CCDC3: variants seen among roughly 807,000 people sequenced by gnomAD.
CCDC3 encodes the protein coiled-coil domain-containing protein 3.
In CCDC3, 24 loss-of-function variants were observed where a neutral mutation model predicts 21.4. The observed-to-expected ratio is 1.12, with a 90% CI of 0.81 to 1.58. The LOEUF (loss-of-function observed/expected upper bound fraction) is 1.58. Among genes scored for constraint, CCDC3 ranks in the 40% most tolerant of loss-of-function variants. The probability of loss-of-function intolerance (pLI) is 0.00; values close to 1 mark genes in which losing one functional copy is unlikely to be tolerated. For synonymous variants in CCDC3, 186 were observed against 166.0 expected (o/e 1.12, Z -0.93); for missense variants, 425 against 360.9 (o/e 1.18, Z -1.44).
chr10:12,953,855 T>A (rs1835044872), intron 2 of CCDC3, among the ~76,000 whole-genome samples: 1 of 152,186 alleles, frequency 6.6e-6, no homozygotes, highest in Non-Finnish European at 1.5e-5. Flanking sequence ...ACTGGCAAAC[T>A]TTTTCAGTAA....
At chr10:13,038,557 A>G (rs926185474) in intron 5 of CCDC3, among the ~76,000 whole-genome samples, 6 of 152,152 alleles carry the variant, frequency 3.9e-5, no homozygotes, top group African/African-American at 1.4e-4. Flanking sequence ...AATATATAGG[A>G]CTTGCTGAGG....
At chr10:13,093,295 T>G (rs1390195815) in intron 3 of CCDC3, among the ~76,000 whole-genome samples, 2 of 152,054 alleles carry the variant, frequency 1.3e-5, no homozygotes, top group Admixed American at 1.3e-4. Context: ...TGAAAGGGGT[T>G]TCCCCTTATA....
In CCDC3 at chr10:12,898,499, T is replaced by A; in HGVS notation, c.730A>T (p.Lys244Ter). Residue 244 changes from lysine (K) to a stop codon, truncating the protein, a stop_gained, in exon 3 of 3, where the codon AAA becomes TAA. Transcript: ENST00000378825. LOFTEE classifies it low-confidence loss of function (END_TRUNC). ...KGRHLELANQ[K>*]LSEKLAAGAL... ...CCCGCCGCCAGCTTCTCACTGAGTTTCTGGTTCGCCAGCTCCAGGTGGCGG... is the reference window on the plus strand; with the variant it reads ...CCCGCCGCCAGCTTCTCACTGAGTTACTGGTTCGCCAGCTCCAGGTGGCGG... 4 of 1,614,100 alleles carry A rather than the reference T, an allele frequency of 2.5e-6. No individual in the cohort carries two copies. The highest frequency in any genetic ancestry group is 3.4e-6 in the Non-Finnish European group (4 of 1,179,964).
At chr10:13,097,972 A>G (rs1832650634) in intron 3 of CCDC3, among the ~76,000 whole-genome samples, 1 of 152,234 alleles carries the variant, frequency 6.6e-6, no homozygotes, top group African/African-American at 2.4e-5. Context: ...TTTGGTCCTT[A>G]GAACTTTCTG....
intron 5 of CCDC3, among the ~76,000 whole-genome samples, chr10:13,044,038 A>T (rs1429287672): frequency 6.6e-6 from 1 of 152,134 alleles, no homozygotes; most frequent in African/African-American, 2.4e-5. Flanking sequence ...TGACTTTTTA[A>T]TAATAGCCAT....
chr10:12,948,213 G>A (rs564491249), intron 2 of CCDC3, among the ~76,000 whole-genome samples: 14 of 152,256 alleles, frequency 9.2e-5, no homozygotes, highest in African/African-American at 1.2e-4. Context: ...CACATAAGAT[G>A]TGCCTTTGCT....
chr10:12,959,902 C>T (rs957284303), intron 2 of CCDC3, among the ~76,000 whole-genome samples: 1 of 152,142 alleles, frequency 6.6e-6, no homozygotes, highest in Non-Finnish European at 1.5e-5. Flanking sequence ...ACCTGTAATC[C>T]CAGCACCTTG....
intron 2 of CCDC3, among the ~76,000 whole-genome samples, chr10:12,939,933 T>C (rs1834794874): frequency 6.6e-6 from 1 of 152,216 alleles, no homozygotes. Flanking sequence ...TTCAAGATTG[T>C]TAGCTATGGG....
chr10:12,953,812 G>T (rs1443620851), intron 2 of CCDC3, among the ~76,000 whole-genome samples: 1 of 152,122 alleles, frequency 6.6e-6, no homozygotes, highest in Non-Finnish European at 1.5e-5. Context: ...ATAAGTCTTT[G>T]GAAGCTAGAC....
chr10:13,069,712 G>A (rs1222802430), intron 4 of CCDC3, among the ~76,000 whole-genome samples: 1 of 152,168 alleles, frequency 6.6e-6, no homozygotes, highest in Non-Finnish European at 1.5e-5. Flanking sequence ...TTAGATTTTA[G>A]AGAATTATAT....
chr10:12,996,501 A>G (rs1245314165), intron 2 of CCDC3, among the ~76,000 whole-genome samples: 3 of 152,030 alleles, frequency 2.0e-5, no homozygotes, highest in Admixed American at 6.6e-5. Context: ...CTGCCCAGCT[A>G]ATTTTTGTAT....
At chr10:12,947,985 C>G (rs1834943215) in intron 2 of CCDC3, among the ~76,000 whole-genome samples, 1 of 152,192 alleles carries the variant, frequency 6.6e-6, no homozygotes, top group South Asian at 2.1e-4. Context: ...TGAACACATG[C>G]AGCCTGACTC....
chr10:12,990,849 A>G (rs918743619), intron 2 of CCDC3, among the ~76,000 whole-genome samples: 2 of 152,254 alleles, frequency 1.3e-5, no homozygotes, highest in African/African-American at 2.4e-5. Flanking sequence ...AAGATAGGCC[A>G]ATGTATTTTC....
intron 5 of CCDC3, among the ~76,000 whole-genome samples, chr10:13,007,210 G>C (rs1479525282): frequency 6.6e-6 from 1 of 152,104 alleles, no homozygotes; most frequent in Admixed American, 6.5e-5. Context: ...TCATCTTGTG[G>C]AATGTAGTTG....
chr10:12,959,072 G>A (rs1242730037), intron 2 of CCDC3, among the ~76,000 whole-genome samples: 1 of 152,134 alleles, frequency 6.6e-6, no homozygotes, highest in Admixed American at 6.5e-5. Flanking sequence ...ATTAAATACT[G>A]GACCCACATC....
intron 2 of CCDC3, among the ~76,000 whole-genome samples, chr10:12,907,501 C>T (rs1367462718): frequency 6.6e-6 from 1 of 152,084 alleles, no homozygotes; most frequent in Non-Finnish European, 1.5e-5. Flanking sequence ...AAAAATTAGC[C>T]AGGTGTGGTG....
At chr10:13,024,511 C>T (rs542337820) in intron 5 of CCDC3, among the ~76,000 whole-genome samples, 7 of 152,276 alleles carry the variant, frequency 4.6e-5, no homozygotes, top group African/African-American at 1.7e-4. Context: ...AGCCATATTT[C>T]ACTCCCAGCA....
At chr10:12,934,670 G>A (rs958924600) in intron 2 of CCDC3, among the ~76,000 whole-genome samples, 3 of 152,146 alleles carry the variant, frequency 2.0e-5, no homozygotes, top group African/African-American at 4.8e-5. Flanking sequence ...CCTTCTTGGA[G>A]TAGTAACCCC....
At chr10:13,072,232 G>T (rs1836891976) in intron 4 of CCDC3, among the ~76,000 whole-genome samples, 1 of 152,098 alleles carries the variant, frequency 6.6e-6, no homozygotes, top group African/African-American at 2.4e-5. Flanking sequence ...TGCAACCAGA[G>T]CCTCGGACGA....
Sources: gnomAD v4.1 joint callset for allele counts (sites outside exome capture counted in the v4.1 genomes callset) on GRCh38, gnomAD v4.1.1 for gene constraint, MANE v1.5 for transcripts, NCBI Gene and HGNC (gene_info 2026-07-23, HGNC 2026-07-21) for gene names.